Variants in GPD2 observed in about 807,000 individuals in gnomAD.
GPD2 encodes glycerol-3-phosphate dehydrogenase, mitochondrial.
Under a neutral mutation model 82.4 loss-of-function variants are expected in GPD2, and 54 were observed. The ratio of observed to expected loss-of-function variants is 0.66; its 90% confidence interval spans 0.53 to 0.82. The LOEUF is 0.82. GPD2 is among the 40% of genes least tolerant of loss of function. GPD2 has a pLI of 0.00. For synonymous variants in GPD2, 288 were observed against 306.1 expected (o/e 0.94, Z 0.62); for missense variants, 748 against 896.2 (o/e 0.83, Z 2.11).
the GPD2 span, among the ~76,000 whole-genome samples, chr2:156,424,956 T>C: frequency 1.3e-5 from 2 of 152,224 alleles, no homozygotes; most frequent in Non-Finnish European, 2.9e-5. Context: ...ATTGCCATAT[T>C]TATTAAGAAT....
chr2:156,436,011 A>T (rs1044832508), upstream of GPD2, among the ~76,000 whole-genome samples: 2 of 152,188 alleles, frequency 1.3e-5, no homozygotes. Context: ...GGCACAAAGC[A>T]GGAACTGCAG....
chr2:156,479,016 G>T lies in GPD2; in HGVS notation c.102+2809G>T, dbSNP rs1683625068. Among the ~76,000 whole-genome samples the T allele has an allele frequency of 2.6e-5, 4 of 152,234 alleles. 1 individual carries two copies. The Middle Eastern group carries it at 0.014, about 518-fold the overall frequency. On this transcript the variant is annotated intron_variant, in intron 2 of 16. Transcript: ENST00000438166. Reference sequence around the variant, plus strand: ...GGCTTGTGCCATTTGGTACTCCCAGGACAAAGCTTCTTCCCTGAAATAAAA... The same window carrying T: ...GGCTTGTGCCATTTGGTACTCCCAGTACAAAGCTTCTTCCCTGAAATAAAA...
chr2:156,505,313 TCTAA>T (rs1178325001), intron 3 of GPD2, among the ~76,000 whole-genome samples: 1 of 152,186 alleles, frequency 6.6e-6, no homozygotes, highest in Non-Finnish European at 1.5e-5. Flanking sequence ...ATTCTTCTAC[TCTAA>T]CTAATCTTGT....
intron 3 of GPD2, among the ~76,000 whole-genome samples, chr2:156,498,239 A>G (rs1458203055): frequency 6.6e-6 from 1 of 152,200 alleles, no homozygotes; most frequent in Non-Finnish European, 1.5e-5. Context: ...TGAGCATACA[A>G]AGATGATAGA....
At chr2:156,417,236 A>T in the GPD2 span, among the ~76,000 whole-genome samples, 1 of 152,180 alleles carries the variant, frequency 6.6e-6, no homozygotes, top group Non-Finnish European at 1.5e-5. Context: ...GAGTGATTTG[A>T]TCAATTTTAT....
At chr2:156,405,898 G>C in the GPD2 span, among the ~76,000 whole-genome samples, 1 of 152,172 alleles carries the variant, frequency 6.6e-6, no homozygotes, top group Non-Finnish European at 1.5e-5. Flanking sequence ...TTGCATCATA[G>C]CACCTTGGAG....
intron 6 of GPD2, among the ~76,000 whole-genome samples, chr2:156,535,658 A>G (rs987322189): frequency 4.0e-5 from 6 of 151,274 alleles, no homozygotes; most frequent in African/African-American, 1.5e-4. Context: ...TACATCTTTG[A>G]TTTGGAAGTG....
intron 3 of GPD2, among the ~76,000 whole-genome samples, chr2:156,503,559 C>T (rs1684668488): frequency 6.6e-6 from 1 of 151,944 alleles, no homozygotes; most frequent in South Asian, 2.1e-4. Flanking sequence ...AAATTGGAGT[C>T]TGGCTTAATA....
intron 13 of GPD2, among the ~76,000 whole-genome samples, chr2:156,574,159 A>T (rs1056897491): frequency 2.6e-5 from 4 of 152,168 alleles, no homozygotes; most frequent in African/African-American, 9.7e-5. Context: ...ATTAGGGAAG[A>T]AGGCAATGTC....
At chr2:156,409,161 A>G in the GPD2 span, among the ~76,000 whole-genome samples, 1 of 152,182 alleles carries the variant, frequency 6.6e-6, no homozygotes, top group African/African-American at 2.4e-5. Flanking sequence ...TTGATCTTGG[A>G]TCTGTGGCGT....
At position 156,544,455 on chromosome 2, in the gene GPD2, A is replaced by C. The variant is rs571464861; in HGVS notation, c.662-5153A>C. Among the ~76,000 whole-genome samples, 51 of 152,310 alleles carry C rather than the reference A, an allele frequency of 3.3e-4. 1 individual carries two copies. The South Asian group carries it at 0.011, about 32-fold the overall frequency. ...AGGACTCAAGGCAAAGGGCATGGCT[A>C]CAGGGAGGGGTGAAGGATTGGGACA... On this transcript the variant is annotated intron_variant, in intron 6 of 16. Transcript: ENST00000438166.
At chr2:156,507,557 C>G (rs529057053) in intron 3 of GPD2, among the ~76,000 whole-genome samples, 58 of 152,170 alleles carry the variant, frequency 3.8e-4, no homozygotes, top group African/African-American at 1.3e-3. Context: ...CTCCTGGGCT[C>G]AAGTGATCAT....
At chr2:156,429,237 A>G in the GPD2 span, among the ~76,000 whole-genome samples, 55 of 152,216 alleles carry the variant, frequency 3.6e-4, no homozygotes, top group Non-Finnish European at 6.8e-4. Context: ...GTTATTTACC[A>G]TTGGTTCAGT....
At chr2:156,491,245 G>A (rs911411845) in intron 2 of GPD2, among the ~76,000 whole-genome samples, 3 of 152,338 alleles carry the variant, frequency 2.0e-5, no homozygotes, top group Non-Finnish European at 4.4e-5. Context: ...GCTTAGTACA[G>A]GGATTAGTAG....
At chr2:156,469,825 A>C (rs959159449) in intron 1 of GPD2, among the ~76,000 whole-genome samples, 3 of 152,208 alleles carry the variant, frequency 2.0e-5, no homozygotes, top group African/African-American at 7.2e-5. Context: ...CATGGGGATT[A>C]GAAAGGTAAT....
chr2:156,452,328 G>A (rs1682635966), intron 1 of GPD2, among the ~76,000 whole-genome samples: 1 of 152,264 alleles, frequency 6.6e-6, no homozygotes, highest in African/African-American at 2.4e-5. Context: ...GAGGCTGGCG[G>A]ATCACTCGCG....
intron 3 of GPD2, among the ~76,000 whole-genome samples, chr2:156,509,538 T>C (rs935046462): frequency 4.6e-5 from 7 of 152,060 alleles, no homozygotes; most frequent in Admixed American, 4.6e-4. Flanking sequence ...TTGGTGTCGA[T>C]GTATTCTTTG....
chr2:156,570,599 A>G (rs1194936762), intron 12 of GPD2, among the ~76,000 whole-genome samples: 1 of 152,150 alleles, frequency 6.6e-6, no homozygotes, highest in Non-Finnish European at 1.5e-5. Context: ...CAAGCTCTCC[A>G]GTTTTGTGAA....
chr2:156,536,376 G>T (rs543509108), intron 6 of GPD2, among the ~76,000 whole-genome samples: 1 of 152,226 alleles, frequency 6.6e-6, no homozygotes, highest in Admixed American at 6.5e-5. Flanking sequence ...CTTAGGCTTT[G>T]GTTCTTAATT....
Sources: gnomAD v4.1 joint callset for allele counts (sites outside exome capture counted in the v4.1 genomes callset) on GRCh38, gnomAD v4.1.1 for gene constraint, MANE v1.5 for transcripts, NCBI Gene and HGNC (gene_info 2026-07-23, HGNC 2026-07-21) for gene names.